R3HDM1: variants seen among roughly 807,000 people sequenced by gnomAD.
R3HDM1 encodes the protein R3H domain-containing protein 1.
R3HDM1 carries 46 observed loss-of-function variants against 141.1 expected under a neutral mutation model. The observed-to-expected ratio is 0.33, with a 90% CI of 0.26 to 0.42. The LOEUF (loss-of-function observed/expected upper bound fraction) is 0.42. Among genes scored for constraint, R3HDM1 ranks in the 10% least tolerant of loss-of-function variants. The probability of loss-of-function intolerance (pLI) is 1.00; values close to 1 mark genes in which losing one functional copy is unlikely to be tolerated. For synonymous variants in R3HDM1, 435 were observed against 472.9 expected, an observed-to-expected ratio of 0.92 and a Z score of 1.04; for missense variants, 1,184 against 1,368.3, an observed-to-expected ratio of 0.87 and a Z score of 2.12.
At chr2:135,535,597 A>G (rs1277568383) in intron 1 of R3HDM1, among the ~76,000 whole-genome samples, 1 of 152,090 alleles carries the variant, frequency 6.6e-6, no homozygotes, top group Non-Finnish European at 1.5e-5. Flanking sequence ...GTATAATTGT[A>G]AACTTTAAAA....
intron 1 of R3HDM1, chr2:135,584,296 C>G (rs1225667534): frequency 1.3e-6 from 1 of 766,336 alleles, no homozygotes; most frequent in East Asian, 1.3e-4. Flanking sequence ...CCACTGCTCT[C>G]CAGCCTGGGT....
intron 19 of R3HDM1, among the ~76,000 whole-genome samples, chr2:135,671,015 GC>G (rs1044313706): frequency 6.6e-6 from 1 of 151,782 alleles, no homozygotes; most frequent in African/African-American, 2.4e-5. Flanking sequence ...GTGAGATTGC[GC>G]CACTGCATTC....
chr2:135,678,413 A>C (rs962983698), intron 20 of R3HDM1, among the ~76,000 whole-genome samples: 2 of 152,094 alleles, frequency 1.3e-5, no homozygotes, highest in African/African-American at 4.8e-5. Context: ...TCAGAATTCA[A>C]ATTCCTGCCC....
At chr2:135,645,676 A>G in intron 16 of R3HDM1, 149 bp downstream of exon 16, 1 of 976,078 alleles carries the variant, frequency 1.0e-6, no homozygotes, top group Non-Finnish European at 1.5e-6. Context: ...ACTCATAGGA[A>G]AAGAGATAAC....
chr2:135,667,765 T>C (rs2067754455), intron 19 of R3HDM1: 1 of 980,768 alleles, frequency 1.0e-6, no homozygotes, highest in Non-Finnish European at 1.2e-6. Flanking sequence ...TTCCAGATCA[T>C]TGGATTTTTC....
At chr2:135,531,731 G>A in intron 1 of R3HDM1, 98 bp downstream of exon 1, 1 of 985,924 alleles carries the variant, frequency 1.0e-6, no homozygotes, top group Non-Finnish European at 1.2e-6. Flanking sequence ...CGGAGAAGGA[G>A]GCAGGCAGGG....
intron 21 of R3HDM1, among the ~76,000 whole-genome samples, chr2:135,701,136 A>G (rs900044102): frequency 2.6e-5 from 4 of 151,792 alleles, no homozygotes; most frequent in African/African-American, 2.4e-5. Context: ...TGTGATCCCA[A>G]CACTTTGGGA....
intron 1 of R3HDM1, among the ~76,000 whole-genome samples, chr2:135,535,121 C>G (rs971206136): frequency 6.6e-6 from 1 of 152,130 alleles, no homozygotes; most frequent in Non-Finnish European, 1.5e-5. Flanking sequence ...ATTGCTATTG[C>G]AGCACCAAAC....
At chr2:135,684,236 G>T (rs1054170518) in intron 21 of R3HDM1, among the ~76,000 whole-genome samples, 3 of 151,614 alleles carry the variant, frequency 2.0e-5, no homozygotes, top group African/African-American at 7.3e-5. Context: ...GACTATAGGC[G>T]CCCGCCACTA....
chr2:135,667,395 T>A (rs369320203), intron 19 of R3HDM1, among the ~76,000 whole-genome samples: 17 of 150,498 alleles, frequency 1.1e-4, no homozygotes, highest in East Asian at 9.7e-4. Context: ...GGTAGTGTTT[T>A]AAAAAAAAAA....
At chr2:135,626,086 G>A (rs2061990901) in intron 7 of R3HDM1, among the ~76,000 whole-genome samples, 2 of 152,304 alleles carry the variant, frequency 1.3e-5, no homozygotes, top group African/African-American at 4.8e-5. Flanking sequence ...TGGGGACTGA[G>A]CCCCAAACTG....
intron 1 of R3HDM1, among the ~76,000 whole-genome samples, chr2:135,601,725 C>T (rs2059633041): frequency 6.6e-6 from 1 of 152,152 alleles, no homozygotes; most frequent in Admixed American, 6.5e-5. Flanking sequence ...GACTGGAGTG[C>T]AGTAGCATGA....
chr2:135,652,141 A>G, intron 18 of R3HDM1, 109 bp downstream of exon 18: 2 of 1,428,588 alleles, frequency 1.4e-6, no homozygotes, highest in Non-Finnish European at 9.2e-7. Context: ...TTGTGAGAGT[A>G]TATAAACAAA....
At chr2:135,722,707 A>G (rs968879554) in intron 26 of R3HDM1, among the ~76,000 whole-genome samples, 154 bp downstream of exon 26, 15 of 152,114 alleles carry the variant, frequency 9.9e-5, no homozygotes, top group African/African-American at 3.6e-4. Flanking sequence ...ATATGTTCCT[A>G]TGACCTTGTG....
intron 19 of R3HDM1, chr2:135,670,243 A>C: frequency 1.3e-6 from 1 of 796,394 alleles, no homozygotes. Flanking sequence ...ATGAAAATAT[A>C]ATTTTAAATT....
At chr2:135,722,425 TC>T (rs1488509709) in intron 25 of R3HDM1, 43 bp from the exon 26 acceptor site, 1 of 1,594,824 alleles carries the variant, frequency 6.3e-7, no homozygotes, top group South Asian at 1.1e-5. Context: ...AGTGTGTTTT[TC>T]AGCATTATTA....
chr2:135,550,600 A>G (rs1478647290), intron 1 of R3HDM1, among the ~76,000 whole-genome samples: 1 of 152,220 alleles, frequency 6.6e-6, no homozygotes, highest in Non-Finnish European at 1.5e-5. Flanking sequence ...CTTGTTTGTG[A>G]AAGTCACACC....
At position 135,551,398 on chromosome 2, in the gene R3HDM1, C is replaced by T. The variant is rs545424662; in HGVS notation, c.-250+19765C>T. The stretch of plus-strand genomic sequence containing the variant: ...TAAAACTATTCGGGACCATTTAGCA[C>T]AGAATAAATTGTCCATGTACCTAGT... On this transcript the variant is annotated intron_variant, in intron 1 of 26. Coordinates refer to ENST00000683871, the MANE Select transcript of R3HDM1 (RefSeq NM_001378107.1). 5.3e-5 allele frequency among the ~76,000 whole-genome samples: 8 copies of T among 152,148 alleles called. No individual in the cohort carries two copies. In the East Asian group the frequency reaches 1.5e-3, roughly 29 times the overall value.
At chr2:135,609,507 G>A (rs1035190989) in intron 3 of R3HDM1, among the ~76,000 whole-genome samples, 1 of 152,180 alleles carries the variant, frequency 6.6e-6, no homozygotes, top group African/African-American at 2.4e-5. Context: ...CACTGTTCCT[G>A]TTGAGAATGT....
Sources: allele counts gnomAD v4.1 joint callset (sites outside exome capture counted in the v4.1 genomes callset), GRCh38; gene constraint gnomAD v4.1.1; transcripts MANE v1.5; gene names NCBI Gene and HGNC (gene_info 2026-07-23, HGNC 2026-07-21).